Variants in GRM5 observed in about 807,000 individuals in gnomAD.
GRM5 encodes the protein metabotropic glutamate receptor 5.
In GRM5, 19 loss-of-function variants were observed where a neutral mutation model predicts 83.1. The ratio of observed to expected loss-of-function variants is 0.23; its 90% confidence interval spans 0.16 to 0.34. The LOEUF (loss-of-function observed/expected upper bound fraction) is 0.34. GRM5 is among the 10% of genes least tolerant of loss of function. GRM5 has a pLI of 1.00. For synonymous variants in GRM5, 675 were observed against 633.6 expected, an observed-to-expected ratio of 1.07 and a Z score of -0.98; for missense variants, 1,160 against 1,588.3, an observed-to-expected ratio of 0.73 and a Z score of 4.58.
At chr11:88,539,815 A>T (rs758476973) in intron 8 of GRM5, among the ~76,000 whole-genome samples, 1 of 152,332 alleles carries the variant, frequency 6.6e-6, no homozygotes, top group Non-Finnish European at 1.5e-5. Flanking sequence ...TGATGTAGAG[A>T]CAAATGATGC....
intron 2 of GRM5, among the ~76,000 whole-genome samples, chr11:88,946,302 A>C (rs1938281552): frequency 6.6e-6 from 1 of 152,144 alleles, no homozygotes; most frequent in Admixed American, 6.6e-5. Context: ...AAATTAGTTC[A>C]GCCACTGTGG....
chr11:88,740,099 T>G (rs1237069107), intron 3 of GRM5, among the ~76,000 whole-genome samples: 1 of 152,086 alleles, frequency 6.6e-6, no homozygotes, highest in South Asian at 2.1e-4. Flanking sequence ...AGTATAAGTT[T>G]ACTATTTTTA....
At chr11:88,781,593 T>G (rs1942978041) in intron 3 of GRM5, among the ~76,000 whole-genome samples, 1 of 152,196 alleles carries the variant, frequency 6.6e-6, no homozygotes, top group East Asian at 1.9e-4. Flanking sequence ...ATACATTTGA[T>G]TCTCACAAAT....
intron 2 of GRM5, among the ~76,000 whole-genome samples, chr11:89,006,988 G>A (rs1196665715): frequency 6.6e-6 from 1 of 152,104 alleles, no homozygotes; most frequent in Non-Finnish European, 1.5e-5. Flanking sequence ...TAGTAGAGAC[G>A]GGGTTTCACC....
At chr11:88,873,843 A>G (rs1565271595) in intron 2 of GRM5, among the ~76,000 whole-genome samples, 1 of 151,776 alleles carries the variant, frequency 6.6e-6, no homozygotes, top group Non-Finnish European at 1.5e-5. Flanking sequence ...AACTAGTAAC[A>G]GAGTGAAGAA....
intron 2 of GRM5, among the ~76,000 whole-genome samples, chr11:88,918,498 A>G (rs1242552997): frequency 2.6e-5 from 4 of 152,026 alleles, no homozygotes; most frequent in Non-Finnish European, 2.9e-5. Flanking sequence ...TTTCCTAAAG[A>G]AAGTTTTTAA....
chr11:88,891,835 G>A (rs546021013), intron 2 of GRM5, among the ~76,000 whole-genome samples: 65 of 152,128 alleles, frequency 4.3e-4, no homozygotes, highest in Non-Finnish European at 3.5e-4. Context: ...TGGAAAAAAT[G>A]TACAGGACTC....
At chr11:88,881,411 A>T (rs1170414079) in intron 2 of GRM5, among the ~76,000 whole-genome samples, 1 of 141,714 alleles carries the variant, frequency 7.1e-6, no homozygotes, top group East Asian at 2.1e-4. Flanking sequence ...GTAGAAAGTT[A>T]CTTGGCAGAG....
intron 3 of GRM5, among the ~76,000 whole-genome samples, chr11:88,757,708 T>C (rs980837085): frequency 6.6e-6 from 1 of 152,130 alleles, no homozygotes; most frequent in Non-Finnish European, 1.5e-5. Context: ...GGCAGGAACC[T>C]TGGCACCCAC....
intron 8 of GRM5, among the ~76,000 whole-genome samples, chr11:88,555,173 C>T (rs373528642): frequency 6.6e-6 from 1 of 152,122 alleles, no homozygotes; most frequent in Admixed American, 6.6e-5. Flanking sequence ...ATATCTGACT[C>T]ATATCACTGG....
intron 3 of GRM5, among the ~76,000 whole-genome samples, chr11:88,681,826 C>A (rs1240588127): frequency 1.3e-5 from 2 of 151,894 alleles, no homozygotes; most frequent in Non-Finnish European, 2.9e-5. Context: ...ACCTCAGCCT[C>A]CCAAAGTGCT....
chr11:88,772,716 A>T lies in GRM5; in HGVS notation c.911+77190T>A, dbSNP rs574292541. Among the ~76,000 whole-genome samples the T allele has an allele frequency of 1.9e-3, 292 of 151,914 alleles. 2 individuals carry two copies. Among genetic ancestry groups the T allele is most frequent in the Non-Finnish European group, 2.4e-3 (162 of 67,942 alleles). ...CATGCGGTGTTTGGTTTTCTGTCCG[A>T]GCGATAGTTTGCTGAGAATGATGGT... On this transcript the variant is annotated intron_variant, in intron 3 of 9. Transcript: ENST00000305447.
intron 2 of GRM5, among the ~76,000 whole-genome samples, chr11:88,879,327 C>T (rs1418996191): frequency 6.6e-6 from 1 of 151,742 alleles, no homozygotes; most frequent in Admixed American, 6.6e-5. Context: ...AGAAAGTAAT[C>T]TTAGTACTCA....
chr11:88,676,912 T>C (rs991741066), intron 3 of GRM5, among the ~76,000 whole-genome samples: 2 of 152,082 alleles, frequency 1.3e-5, no homozygotes, highest in Non-Finnish European at 2.9e-5. Flanking sequence ...AATAACTCGG[T>C]AATTCATCTG....
At position 88,734,766 on chromosome 11, in the gene GRM5, G is replaced by A. The variant is rs186412298; in HGVS notation, c.912-81363C>T. Among the ~76,000 whole-genome samples the A allele has an allele frequency of 2.9e-3, 436 of 152,004 alleles. 1 individual carries two copies. Among genetic ancestry groups the A allele is most frequent in the African/African-American group, 0.01 (416 of 41,510 alleles). On this transcript the variant is annotated intron_variant, in intron 3 of 9. Transcript: ENST00000305447. ...CATTTTTCTTCAAAATATAACACTT[G>A]GTACAGTAAGTGCTAAACAAAGACA... is the stretch of plus-strand genomic sequence containing the variant.
chr11:88,810,162 T>C (rs1943564766), intron 3 of GRM5, among the ~76,000 whole-genome samples: 1 of 151,992 alleles, frequency 6.6e-6, no homozygotes, highest in Admixed American at 6.6e-5. Flanking sequence ...GTAAAATGGT[T>C]TGGAAAAACT....
In GRM5 at chr11:88,734,090, ATTAAC is replaced by A. The variant is rs201966798; in HGVS notation, c.912-80692_912-80688del. Among the ~76,000 whole-genome samples the A allele has an allele frequency of 9.4e-3, 1,429 of 152,142 alleles. 16 individuals are homozygous for A. The highest frequency in any genetic ancestry group is 0.061 in the East Asian group (314 of 5,158). Reference sequence around the variant, plus strand: ...ATTTCAATAGTCATGCATTTTTATAATTAACTTATATTTATAAAATTGCTGTTTTT... The same window carrying A: ...ATTTCAATAGTCATGCATTTTTATAATTATATTTATAAAATTGCTGTTTTT... On this transcript the variant is annotated intron_variant, in intron 3 of 9. Transcript: ENST00000305447.
At chr11:88,621,254 T>C (rs1179664532) in intron 4 of GRM5, among the ~76,000 whole-genome samples, 1 of 152,204 alleles carries the variant, frequency 6.6e-6, no homozygotes, top group Non-Finnish European at 1.5e-5. Context: ...CTGTTTATCT[T>C]CATCGCCACC....
chr11:88,911,696 G>A (rs1270598576), intron 2 of GRM5, among the ~76,000 whole-genome samples: 2 of 152,128 alleles, frequency 1.3e-5, no homozygotes, highest in Non-Finnish European at 2.9e-5. Flanking sequence ...CGTAAATTGA[G>A]CAAGTTGAAC....
Sources: allele counts gnomAD v4.1 joint callset (sites outside exome capture counted in the v4.1 genomes callset), GRCh38; gene constraint gnomAD v4.1.1; transcripts MANE v1.5; gene names NCBI Gene and HGNC (gene_info 2026-07-23, HGNC 2026-07-21).